Variants in FHIP2A observed in about 807,000 individuals in gnomAD.
FHIP2A encodes FHF complex subunit HOOK interacting protein 2A.
FHIP2A carries 46 observed loss-of-function variants against 93.5 expected under a neutral mutation model. That is an observed-to-expected ratio of 0.49 (90% CI 0.39 to 0.63). FHIP2A has a LOEUF of 0.63. Among genes scored for constraint, FHIP2A ranks in the 20% least tolerant of loss-of-function variants. The pLI, the probability that FHIP2A is intolerant of heterozygous loss-of-function variation, is 0.00. For missense variants in FHIP2A, 769 were observed against 909.7 expected (o/e 0.85, Z 1.99); for synonymous variants, 332 against 326.5 (o/e 1.02, Z -0.18).
chr10:114,829,568 C>T (rs1421548277), intron 1 of FHIP2A, among the ~76,000 whole-genome samples: 5 of 152,142 alleles, frequency 3.3e-5, no homozygotes, highest in South Asian at 4.1e-4. Context: ...GCTTCTTTAC[C>T]GAATGCTGTT....
downstream of FHIP2A, among the ~76,000 whole-genome samples, chr10:114,867,218 A>AG (rs1235184879): frequency 1.3e-5 from 2 of 151,872 alleles, no homozygotes; most frequent in Middle Eastern, 3.2e-3. Flanking sequence ...CAAAAAAAAA[A>AG]AAAAAGAAGT....
At chr10:114,866,426 C>T (rs543695422), downstream of FHIP2A, among the ~76,000 whole-genome samples, 10 of 152,132 alleles carry the variant, frequency 6.6e-5, no homozygotes, top group Non-Finnish European at 1.3e-4. Flanking sequence ...GTAATATACC[C>T]CACTACCCAC....
At chr10:114,849,917 G>A (rs753377628) in intron 13 of FHIP2A, among the ~76,000 whole-genome samples, 1 of 152,152 alleles carries the variant, frequency 6.6e-6, no homozygotes, top group Non-Finnish European at 1.5e-5. Context: ...GTAAGGTCAT[G>A]TTTTCAAGTT....
In FHIP2A at chr10:114,860,901, G is replaced by T; in HGVS notation, c.2088+12G>T. ...CTGTAATTGTCAGGGTGAGTTACTA[G>T]TTCTGTTATATTCCCTAGGATTGAT... On this transcript the variant is annotated intron_variant, in intron 15 of 16. Coordinates refer to ENST00000369248, the MANE Select transcript of FHIP2A (RefSeq NM_020940.4). 1 of 1,610,060 alleles carries T rather than the reference G, an allele frequency of 6.2e-7. No individual in the cohort carries two copies. The highest frequency in any genetic ancestry group is 8.5e-7 in the Non-Finnish European group (1 of 1,176,502).
intron 14 of FHIP2A, 62 bp downstream of exon 14, chr10:114,855,402 C>G: frequency 7.2e-7 from 1 of 1,381,680 alleles, no homozygotes; most frequent in Non-Finnish European, 1.0e-6. Context: ...AGAATCATCT[C>G]AAGTCTTAGT....
intron 5 of FHIP2A, among the ~76,000 whole-genome samples, chr10:114,839,458 A>T (rs539246715): frequency 6.6e-6 from 1 of 152,302 alleles, no homozygotes; most frequent in African/African-American, 2.4e-5. Flanking sequence ...ATAAGTATAG[A>T]TAAGAACAAA....
chr10:114,826,857 G>A lies in FHIP2A; in HGVS notation c.46-3995G>A, dbSNP rs187347853. ...AAAAATACAAAAATTAGCCAGATGC[G>A]GTAGCATGCGCCTGTAATCCCAGCT... On this transcript the variant is annotated intron_variant, in intron 1 of 16. Transcript: ENST00000369248. Among the ~76,000 whole-genome samples the A allele has an allele frequency of 1.8e-4, 28 of 152,278 alleles. No individual in the cohort carries two copies. The East Asian group carries it at 2.5e-3, about 14-fold the overall frequency.
intron 14 of FHIP2A, among the ~76,000 whole-genome samples, chr10:114,856,602 G>C (rs1029344234): frequency 2.0e-5 from 3 of 152,158 alleles, no homozygotes; most frequent in African/African-American, 7.2e-5. Context: ...TTGACCGAAA[G>C]TACTAAAAAG....
At chr10:114,836,090 A>C in intron 4 of FHIP2A, 34 bp from the exon 5 acceptor site, 24 of 1,509,524 alleles carry the variant, frequency 1.6e-5, no homozygotes, top group Non-Finnish European at 2.1e-5. Context: ...AAAGTAGCCT[A>C]AGTTTAAAAA....
intron 1 of FHIP2A, among the ~76,000 whole-genome samples, chr10:114,822,915 A>G (rs74158066): frequency 0.034 from 5,221 of 152,328 alleles, 248 homozygotes; most frequent in African/African-American, 0.11. Flanking sequence ...ACAGTATTCA[A>G]GTATCCTAGT....
chr10:114,891,806 C>T (rs965369138), intron 16 of FHIP2A, among the ~76,000 whole-genome samples: 5 of 151,748 alleles, frequency 3.3e-5, no homozygotes, highest in Non-Finnish European at 7.4e-5. Context: ...AGTAGAGATG[C>T]GGTTTCTCCA....
At chr10:114,848,014 A>G (rs979086110) in intron 12 of FHIP2A, among the ~76,000 whole-genome samples, 3 of 152,220 alleles carry the variant, frequency 2.0e-5, no homozygotes, top group Non-Finnish European at 4.4e-5. Context: ...AATTGTAACA[A>G]CATTGAGAAT....
chr10:114,844,055 A>C (rs1216053070), intron 7 of FHIP2A, 118 bp downstream of exon 7: 1 of 661,294 alleles, frequency 1.5e-6, no homozygotes, highest in Non-Finnish European at 2.4e-6. Context: ...ACTAGTGATC[A>C]TTAAATGGGA....
intron 16 of FHIP2A, among the ~76,000 whole-genome samples, chr10:114,877,179 C>A (rs138123133): frequency 6.6e-6 from 1 of 152,104 alleles, no homozygotes; most frequent in South Asian, 2.1e-4. Context: ...CTTAGAGGAA[C>A]AATCAATGGG....
chr10:114,838,198 T>G (rs1418626606), intron 5 of FHIP2A, among the ~76,000 whole-genome samples: 2 of 152,216 alleles, frequency 1.3e-5, no homozygotes, highest in African/African-American at 4.8e-5. Flanking sequence ...TTGTTTGTTT[T>G]GTTATTTTTA....
chr10:114,856,719 T>C (rs1441548375), intron 14 of FHIP2A, among the ~76,000 whole-genome samples: 3 of 152,208 alleles, frequency 2.0e-5, no homozygotes, highest in Non-Finnish European at 4.4e-5. Flanking sequence ...AAAGGATACA[T>C]TGAAAACAGA....
At chr10:114,898,246 T>C (rs950660143) in intron 16 of FHIP2A, among the ~76,000 whole-genome samples, 1 of 152,188 alleles carries the variant, frequency 6.6e-6, no homozygotes, top group Non-Finnish European at 1.5e-5. Flanking sequence ...GCTTTGTCAA[T>C]AGAGAGTGCC....
chr10:114,895,943 T>A (rs946485575), intron 16 of FHIP2A, among the ~76,000 whole-genome samples: 1 of 152,192 alleles, frequency 6.6e-6, no homozygotes, highest in South Asian at 2.1e-4. Context: ...TTTATTCTCA[T>A]TACTCAGCCC....
In FHIP2A at chr10:114,847,251, A is replaced by T; in HGVS notation, c.1712+18A>T. 6.3e-7 allele frequency: 1 copy of T among 1,589,934 alleles called. No homozygotes were observed. The highest frequency in any genetic ancestry group is 8.5e-7 in the Non-Finnish European group (1 of 1,171,284). On this transcript the variant is annotated intron_variant, in intron 12 of 16. Coordinates refer to ENST00000369248, the MANE Select transcript of FHIP2A (RefSeq NM_020940.4). Reference sequence around the variant, plus strand: ...GTAAATAGGTGAGTTGCTATATAAAATTTGACTTCCATCTCTCTTGTTTTT... The same window carrying T: ...GTAAATAGGTGAGTTGCTATATAAATTTTGACTTCCATCTCTCTTGTTTTT...
Sources: allele counts gnomAD v4.1 joint callset (sites outside exome capture counted in the v4.1 genomes callset), GRCh38; gene constraint gnomAD v4.1.1; transcripts MANE v1.5; gene names NCBI Gene and HGNC (gene_info 2026-07-23, HGNC 2026-07-21).